Variants in RUVBL2 observed in about 807,000 individuals in gnomAD.
RUVBL2 encodes the protein RuvB like AAA ATPase 2.
Under a neutral mutation model 57.9 loss-of-function variants are expected in RUVBL2, and 9 were observed. That is an observed-to-expected ratio of 0.16 (90% CI 0.09 to 0.27). The LOEUF (loss-of-function observed/expected upper bound fraction) is 0.27, where lower values mean the gene tolerates loss of function less well. Ranked by LOEUF, RUVBL2 falls within the 10% of genes least tolerant of loss-of-function variation. RUVBL2 has a pLI of 1.00. For missense variants in RUVBL2, 456 were observed against 669.6 expected, an observed-to-expected ratio of 0.68 and a Z score of 3.52; for synonymous variants, 278 against 264.6, an observed-to-expected ratio of 1.05 and a Z score of -0.49.
At chr19:49,013,430 T>C (rs1380939937) in intron 11 of RUVBL2, among the ~76,000 whole-genome samples, 6 of 151,958 alleles carry the variant, frequency 3.9e-5, no homozygotes, top group Admixed American at 3.9e-4. Flanking sequence ...GATATTGCCA[T>C]TTAAAGTGTC....
At position 49,011,227 on chromosome 19, in the gene RUVBL2, C is replaced by A; in HGVS notation, c.918C>A (p.Ile306=). The change falls in exon 11 of 15, where the codon ATC becomes ATA. Residue 306 remains isoleucine, a synonymous_variant. Coordinates refer to ENST00000595090, the MANE Select transcript of RUVBL2 (RefSeq NM_006666.3). The surrounding 1 kb of genome is among the most constrained non-coding windows in gnomAD (Gnocchi z 4.4). ...TCGACGAGGTCCACATGCTGGACAT[C>A]GAGAGCTTCTCCTTCCTCAACCGGG... ...LFIDEVHMLD[I]ESFSFLNRAL... 1 of 1,613,962 alleles carries A rather than the reference C, an allele frequency of 6.2e-7. No homozygotes were observed. The highest frequency in any genetic ancestry group is 8.5e-7 in the Non-Finnish European group (1 of 1,180,032).
intron 1 of RUVBL2, among the ~76,000 whole-genome samples, chr19:48,998,493 G>A (rs775219379): frequency 2.6e-5 from 4 of 151,942 alleles, no homozygotes; most frequent in Non-Finnish European, 5.9e-5. Flanking sequence ...TCAGGAGTTC[G>A]AGACCAGCCT....
At chr19:48,995,689 AAAAT>A (rs1047288765) in intron 1 of RUVBL2, among the ~76,000 whole-genome samples, 8 of 151,870 alleles carry the variant, frequency 5.3e-5, no homozygotes, top group African/African-American at 1.7e-4. Flanking sequence ...TCTCTACAAA[AAAAT>A]AAGAAAATTA....
Position 49,007,320 on chromosome 19 carries a change from C to T in RUVBL2, c.414C>T (p.Ile138=), listed in dbSNP as rs750573386. 1.7e-5 allele frequency: 27 copies of T among 1,613,968 alleles called. No individual in the cohort carries two copies. The highest frequency in any genetic ancestry group is 4.4e-5 in the South Asian group (4 of 91,006). ...TGGCTAGGGAGGAGACGGAGATCAT[C>T]GAAGGGGAGGTGGTGGAGATCCAGA... ...GVRIKEETEI[I]EGEVVEIQID... The change falls in exon 6 of 15, where the codon ATC becomes ATT. Residue 138 remains isoleucine, a synonymous_variant. Coordinates refer to ENST00000595090, the MANE Select transcript of RUVBL2 (RefSeq NM_006666.3).
chr19:49,012,324 A>C lies in RUVBL2; in HGVS notation c.1001+1014A>C, dbSNP rs565474171. Among the ~76,000 whole-genome samples the C allele has an allele frequency of 7.9e-5, 12 of 152,298 alleles. No homozygotes were observed. The East Asian group carries it at 2.3e-3, about 29-fold the overall frequency. ...TCCGCAGAAGAAGCTCAGAAGGTAG[A>C]TATCACCTCAGCCCCATTTTATAGG... On this transcript the variant is annotated intron_variant, in intron 11 of 14. Transcript: ENST00000595090.
chr19:49,012,636 C>T (rs1281800332), intron 11 of RUVBL2, among the ~76,000 whole-genome samples: 1 of 152,236 alleles, frequency 6.6e-6, no homozygotes, highest in African/African-American at 2.4e-5. Flanking sequence ...GCAACAAATT[C>T]AAGTCACCTG....
At chr19:49,010,467 T>TGCCCC in intron 8 of RUVBL2, 21 bp from the exon 9 acceptor site, 210 of 1,401,042 alleles carry the variant, frequency 1.5e-4, no homozygotes, top group Non-Finnish European at 1.9e-4. Flanking sequence ...CCGCCGTTCT[T>TGCCCC]CCCCCACCCC....
chr19:49,010,442 T>C, intron 8 of RUVBL2, 46 bp from the exon 9 acceptor site: 1 of 1,604,758 alleles, frequency 6.2e-7, no homozygotes, highest in South Asian at 1.1e-5. Flanking sequence ...CTTCATGCCC[T>C]TCCCTGCCCT....
intron 1 of RUVBL2, among the ~76,000 whole-genome samples, chr19:48,997,776 A>G (rs1385568938): frequency 6.6e-6 from 1 of 152,030 alleles, no homozygotes; most frequent in Non-Finnish European, 1.5e-5. Flanking sequence ...TGTTGTGAAT[A>G]GTGCTGCCGT....
At chr19:48,996,269 G>A (rs1050000368) in intron 1 of RUVBL2, among the ~76,000 whole-genome samples, 3 of 152,116 alleles carry the variant, frequency 2.0e-5, no homozygotes, top group African/African-American at 7.2e-5. Flanking sequence ...ATTCCAAAGT[G>A]TCAGAAAATA....
chr19:49,010,335 C>A, intron 8 of RUVBL2, 153 bp from the exon 9 acceptor site: 1 of 792,672 alleles, frequency 1.3e-6, no homozygotes, highest in Non-Finnish European at 2.0e-6. Context: ...GTCCTGACTA[C>A]CTCCTGGGCC....
intron 2 of RUVBL2, among the ~76,000 whole-genome samples, chr19:49,002,580 T>C (rs1004062216): frequency 5.9e-5 from 9 of 152,048 alleles, no homozygotes; most frequent in Admixed American, 4.6e-4. Flanking sequence ...CCAGGGCTCT[T>C]GTTTCATTTT....
In RUVBL2 at chr19:49,010,515, G is replaced by A. The variant is rs2039395116; in HGVS notation, c.691G>A (p.Glu231Lys). The A allele has an allele frequency of 6.2e-7, 1 of 1,608,626 alleles. No individual in the cohort carries two copies. Among genetic ancestry groups the A allele is most frequent in the Admixed American group, 1.7e-5 (1 of 59,538 alleles). Reference protein sequence around the residue: ...QTKFVQCPDGELQKRKEVVHT... With the variant: ...QTKFVQCPDGKLQKRKEVVHT... The stretch of plus-strand genomic sequence containing the variant: ...CAAGTTCGTGCAGTGCCCAGATGGG[G>A]AGCTCCAGAAACGCAAGGAGGTGGT... Residue 231 changes from glutamate to lysine, a missense_variant, in exon 9 of 15, where the codon GAG becomes AAG. Physicochemically the swap from Glu to Lys is moderately conservative, Grantham distance 56 (BLOSUM62 1). Around this residue, in one of 5 missense-constraint regions of RUVBL2, gnomAD observed 233 missense variants for 306.0 expected, o/e 0.76. Transcript: ENST00000595090.
At chr19:48,995,912 G>A (rs1046354149) in intron 1 of RUVBL2, among the ~76,000 whole-genome samples, 4 of 151,572 alleles carry the variant, frequency 2.6e-5, no homozygotes, top group African/African-American at 4.8e-5. Flanking sequence ...GCTTGAACCC[G>A]GGAGGCGAAG....
upstream of RUVBL2, chr19:48,993,836 T>C (rs545401410): frequency 1.5e-5 from 23 of 1,579,020 alleles, no homozygotes; most frequent in Admixed American, 1.3e-4. Context: ...AAGAACCAGC[T>C]AGCCTAGAGG....
At chr19:49,010,400 G>GTC (rs2039390409) in intron 8 of RUVBL2, 88 bp from the exon 9 acceptor site, 2 of 1,302,136 alleles carry the variant, frequency 1.5e-6, no homozygotes, top group East Asian at 4.6e-5. Context: ...TGGAGCTCCA[G>GTC]TCTCCCCCAG....
intron 1 of RUVBL2, among the ~76,000 whole-genome samples, chr19:48,996,788 A>G: frequency 6.6e-6 from 1 of 151,998 alleles, no homozygotes; most frequent in East Asian, 1.9e-4. Flanking sequence ...TGACCTCCCA[A>G]AGTGCTGGGA....
chr19:49,013,170 G>A (rs1405017474), intron 11 of RUVBL2, among the ~76,000 whole-genome samples: 1 of 151,960 alleles, frequency 6.6e-6, no homozygotes, highest in African/African-American at 2.4e-5. Context: ...CACCATATTG[G>A]CCAGGCTGGT....
Position 49,010,620 on chromosome 19 carries a change from C to T in RUVBL2, c.787+9C>T, listed in dbSNP as rs1568640614. 1.9e-6 allele frequency: 3 copies of T among 1,613,330 alleles called. No individual in the cohort carries two copies. Among genetic ancestry groups the T allele is most frequent in the South Asian group, 1.1e-5 (1 of 91,058 alleles). On this transcript the variant is annotated intron_variant, in intron 9 of 14. Coordinates refer to ENST00000595090, the MANE Select transcript of RUVBL2 (RefSeq NM_006666.3). ...CCTGGCGCTCTTCTCAGGTGAGGCCCCTCCTGCCCTGCCCTGCCCTGCCCT... is the reference window on the plus strand; with the variant it reads ...CCTGGCGCTCTTCTCAGGTGAGGCCTCTCCTGCCCTGCCCTGCCCTGCCCT...
Sources: allele counts gnomAD v4.1 joint callset (sites outside exome capture counted in the v4.1 genomes callset), GRCh38; gene constraint gnomAD v4.1.1; regional missense constraint gnomAD v4.1.1; non-coding constraint Gnocchi (gnomAD v3.1); transcripts MANE v1.5; gene names NCBI Gene and HGNC (gene_info 2026-07-23, HGNC 2026-07-21).